Variants in SLC38A8 observed in about 807,000 individuals in gnomAD.
SLC38A8 encodes solute carrier family 38 member 8.
In SLC38A8, 65 loss-of-function variants were observed where a neutral mutation model predicts 46.0. The observed-to-expected ratio is 1.41, with a 90% CI of 1.16 to 1.74. SLC38A8 has a LOEUF of 1.74. Ranked by LOEUF, SLC38A8 falls within the 40% of genes most tolerant of loss-of-function variation. SLC38A8 has a pLI of 0.00. For synonymous variants in SLC38A8, 447 were observed against 243.7 expected (o/e 1.83, Z -7.77); for missense variants, 998 against 567.9 (o/e 1.76, Z -7.70).
At chr16:84,040,589 G>A (rs2085356328) in intron 2 of SLC38A8, among the ~76,000 whole-genome samples, 1 of 152,190 alleles carries the variant, frequency 6.6e-6, no homozygotes, top group African/African-American at 2.4e-5. Context: ...GCCCTCTGTG[G>A]CTTGAGATGG....
chr16:84,029,447 A>G, intron 6 of SLC38A8, 47 bp downstream of exon 6: 1 of 1,599,382 alleles, frequency 6.3e-7, no homozygotes, highest in Non-Finnish European at 8.6e-7. Flanking sequence ...AGAGTCACCC[A>G]CAGCCTCTGC....
At chr16:84,043,169 C>T (rs942778410), upstream of SLC38A8, among the ~76,000 whole-genome samples, 1 of 152,204 alleles carries the variant, frequency 6.6e-6, no homozygotes, top group Non-Finnish European at 1.5e-5. Context: ...GCACACGAGT[C>T]ACCTGAGACG....
At chr16:84,021,279 G>A (rs536393202) in intron 7 of SLC38A8, among the ~76,000 whole-genome samples, 4 of 152,234 alleles carry the variant, frequency 2.6e-5, no homozygotes, top group South Asian at 2.1e-4. Context: ...TTCACAGGCT[G>A]GTCTCAAAAT....
intron 6 of SLC38A8, among the ~76,000 whole-genome samples, chr16:84,023,996 C>T (rs868137449): frequency 3.9e-5 from 6 of 152,230 alleles, no homozygotes; most frequent in Admixed American, 6.5e-5. Flanking sequence ...AGCCTTGACA[C>T]GATTGATGTC....
intron 7 of SLC38A8, among the ~76,000 whole-genome samples, chr16:84,017,522 C>G (rs533511983): frequency 3.7e-4 from 56 of 152,330 alleles, no homozygotes; most frequent in Non-Finnish European, 6.8e-4. Context: ...TCAAATCGCT[C>G]ACAGAGCTGG....
chr16:84,032,033 G>A (rs2085246490), intron 4 of SLC38A8, 65 bp from the exon 5 acceptor site: 5 of 1,392,746 alleles, frequency 3.6e-6, no homozygotes, highest in South Asian at 1.2e-5. Context: ...CACGGGGACA[G>A]TAGTGGGATC....
chr16:84,042,302 C>G, intron 1 of SLC38A8, 143 bp from the exon 2 acceptor site: 1 of 837,662 alleles, frequency 1.2e-6, no homozygotes, highest in Non-Finnish European at 1.8e-6. Flanking sequence ...CTCCCCCTTT[C>G]CAAAGGGTGC....
At chr16:84,024,052 G>A (rs1218420180) in intron 6 of SLC38A8, among the ~76,000 whole-genome samples, 1 of 152,326 alleles carries the variant, frequency 6.6e-6, no homozygotes, top group Non-Finnish European at 1.5e-5. Flanking sequence ...TTTGGGGTGG[G>A]GGTGTTGTGC....
intron 3 of SLC38A8, 97 bp downstream of exon 3, chr16:84,036,605 C>A: frequency 1.4e-6 from 2 of 1,411,344 alleles, no homozygotes; most frequent in Non-Finnish European, 2.0e-6. Flanking sequence ...CCCTCAGGGC[C>A]CAGGCCAGGG....
At chr16:84,022,986 T>C (rs980126926) in intron 6 of SLC38A8, 97 bp from the exon 7 acceptor site, 5 of 806,656 alleles carry the variant, frequency 6.2e-6, no homozygotes, top group East Asian at 2.8e-5. Context: ...ATGTGGGATA[T>C]GATGAGGTTT....
intron 7 of SLC38A8, among the ~76,000 whole-genome samples, chr16:84,020,681 A>T (rs1247682604): frequency 6.6e-6 from 1 of 152,156 alleles, no homozygotes; most frequent in East Asian, 1.9e-4. Flanking sequence ...TAGCCTGTGG[A>T]GGCACCCTGG....
intron 3 of SLC38A8, among the ~76,000 whole-genome samples, chr16:84,034,332 A>T (rs1272949015): frequency 1.3e-5 from 2 of 152,254 alleles, no homozygotes; most frequent in Non-Finnish European, 2.9e-5. Flanking sequence ...CACAAGCTCC[A>T]CTAACCTCTC....
intron 6 of SLC38A8, among the ~76,000 whole-genome samples, chr16:84,023,358 G>A (rs1057296574): frequency 2.0e-5 from 3 of 152,116 alleles, no homozygotes; most frequent in Admixed American, 6.6e-5. Flanking sequence ...TTGCTCGGGT[G>A]TGCTCTGACC....
intron 9 of SLC38A8, 116 bp from the exon 10 acceptor site, chr16:84,013,168 G>A (rs2084974666): frequency 8.5e-6 from 10 of 1,177,690 alleles, no homozygotes; most frequent in African/African-American, 4.7e-5. Context: ...GCCCATGGGT[G>A]CCCCTGGCTC....
chr16:84,020,796 A>G (rs555783139), intron 7 of SLC38A8, among the ~76,000 whole-genome samples: 12 of 152,158 alleles, frequency 7.9e-5, no homozygotes, highest in Non-Finnish European at 1.6e-4. Context: ...TCCATTCTCT[A>G]GATAATCCTT....
At chr16:84,033,061 GTC>G (rs372092968) in intron 4 of SLC38A8, among the ~76,000 whole-genome samples, 6 of 151,202 alleles carry the variant, frequency 4.0e-5, no homozygotes, top group Non-Finnish European at 7.4e-5. Context: ...GTGGGGAGGC[GTC>G]TCTCTCTCTC....
chr16:84,014,457 C>T (rs958856925), intron 9 of SLC38A8, among the ~76,000 whole-genome samples: 2 of 151,786 alleles, frequency 1.3e-5, no homozygotes, highest in Non-Finnish European at 2.9e-5. Flanking sequence ...AAGCCCTGCC[C>T]AGAGTCGAGG....
At chr16:84,025,971 G>A (rs966589903) in intron 6 of SLC38A8, among the ~76,000 whole-genome samples, 2 of 152,226 alleles carry the variant, frequency 1.3e-5, no homozygotes, top group East Asian at 3.9e-4. Flanking sequence ...CACACTCTCA[G>A]GTCAGCCCTG....
chr16:84,013,592 C>T (rs187648052), intron 9 of SLC38A8, among the ~76,000 whole-genome samples: 9 of 151,730 alleles, frequency 5.9e-5, no homozygotes, highest in East Asian at 3.9e-4. Context: ...CACCACACCC[C>T]GCTCATTTTT....
Sources: gnomAD v4.1 joint callset for allele counts (sites outside exome capture counted in the v4.1 genomes callset) on GRCh38, gnomAD v4.1.1 for gene constraint, MANE v1.5 for transcripts, NCBI Gene and HGNC (gene_info 2026-07-23, HGNC 2026-07-21) for gene names.